Variants in LNX1 observed in about 807,000 individuals in gnomAD.
LNX1 encodes E3 ubiquitin-protein ligase LNX.
Under a neutral mutation model 68.4 loss-of-function variants are expected in LNX1, and 54 were observed. The ratio of observed to expected loss-of-function variants is 0.79; its 90% CI spans 0.63 to 0.99. The LOEUF (loss-of-function observed/expected upper bound fraction) is 0.99. LNX1 is among the 50% of genes least tolerant of loss of function. The pLI is 0.00. For missense variants in LNX1, 906 were observed against 926.4 expected (o/e 0.98, Z 0.29); for synonymous variants, 336 against 350.0 (o/e 0.96, Z 0.45).
chr4:53,479,429 G>T (rs1157335286), intron 7 of LNX1, among the ~76,000 whole-genome samples: 1 of 152,220 alleles, frequency 6.6e-6, no homozygotes, highest in African/African-American at 2.4e-5. Context: ...GCACTGAGGG[G>T]CTGGATGCAA....
At chr4:53,549,462 G>A (rs534893720) in intron 2 of LNX1, 3 of 95,240 alleles carry the variant, frequency 3.1e-5, no homozygotes, top group Non-Finnish European at 8.1e-5. Flanking sequence ...AGGAGGAGGA[G>A]GTTGAAAGAA....
intron 2 of LNX1, chr4:53,603,694 T>C (rs1733112413): frequency 6.6e-6 from 1 of 152,200 alleles, no homozygotes; most frequent in African/African-American, 2.4e-5. Flanking sequence ...TTGCAAGAAC[T>C]CACTATTGCG....
In LNX1 at chr4:53,625,186, G is replaced by A. The variant is rs1479472861; in HGVS notation, c.-215+26982C>T. Among the ~76,000 whole-genome samples the A allele has an allele frequency of 2.0e-5, 3 of 152,076 alleles. No homozygotes were observed. In the East Asian group the frequency reaches 5.8e-4, roughly 29 times the overall value. ...GATTAGGCAACGGTTTCTCAGCTAT[G>A]ACACGAAAAGCACAAACAGAAGAAA... On this transcript the variant is annotated intron_variant, in intron 1 of 2. Coordinates refer to the LNX1 transcript ENST00000507168.
intron 2 of LNX1, among the ~76,000 whole-genome samples, chr4:53,602,660 A>G (rs1209102321): frequency 2.0e-5 from 3 of 152,212 alleles, no homozygotes; most frequent in African/African-American, 7.2e-5. Context: ...GGAGATGGGG[A>G]GTGGAGTCCA....
At chr4:53,577,352 T>C (rs1731558804) in intron 1 of LNX1, among the ~76,000 whole-genome samples, 1 of 152,204 alleles carries the variant, frequency 6.6e-6, no homozygotes, top group Admixed American at 6.5e-5. Context: ...TTCTTTCTCA[T>C]GATGCTGTAG....
chr4:53,506,123 G>T (rs1336831321), intron 4 of LNX1, among the ~76,000 whole-genome samples: 1 of 152,204 alleles, frequency 6.6e-6, no homozygotes. Context: ...TATAACCCAG[G>T]AGCTAAGAGA....
intron 1 of LNX1, among the ~76,000 whole-genome samples, chr4:53,630,736 TG>T (rs1734236929): frequency 6.6e-6 from 1 of 152,208 alleles, no homozygotes; most frequent in Non-Finnish European, 1.5e-5. Context: ...AAACAGCTTA[TG>T]TATTGATTGG....
chr4:53,538,501 T>C (rs1728532891), intron 2 of LNX1, among the ~76,000 whole-genome samples: 1 of 152,174 alleles, frequency 6.6e-6, no homozygotes, highest in Admixed American at 6.5e-5. Flanking sequence ...TGAGGGTTCA[T>C]CGTTGAAAAA....
intron 6 of LNX1, among the ~76,000 whole-genome samples, chr4:53,484,598 C>A (rs1724164654): frequency 6.6e-6 from 1 of 152,000 alleles, no homozygotes; most frequent in African/African-American, 2.4e-5. Context: ...TAAAAACCAT[C>A]CACCAATGAA....
At chr4:53,583,828 C>T (rs1261131759) in intron 1 of LNX1, among the ~76,000 whole-genome samples, 1 of 152,064 alleles carries the variant, frequency 6.6e-6, no homozygotes, top group Admixed American at 6.6e-5. Context: ...CCACCTTTCC[C>T]CTGGGGTGCC....
rs112550826 is a variant in LNX1, at chr4:53,562,770, A to G, written c.380+10853T>C. Among the ~76,000 whole-genome samples, 995 of 152,362 alleles carry G rather than the reference A, an allele frequency of 6.5e-3. 9 individuals carry two copies. The highest frequency in any genetic ancestry group is 0.023 in the African/African-American group (940 of 41,582). ...CAGTAGAAAATTACTAAGTGAGTAC[A>G]TTTTAAGTGTTTTCATCACAAAAAT... On this transcript the variant is annotated intron_variant, in intron 2 of 10. Transcript: ENST00000263925.
At chr4:53,565,458 T>G (rs1190422477) in intron 2 of LNX1, among the ~76,000 whole-genome samples, 1 of 150,000 alleles carries the variant, frequency 6.7e-6, no homozygotes, top group African/African-American at 2.4e-5. Context: ...GAAGGAAAAC[T>G]AACAAACAGA....
intron 2 of LNX1, among the ~76,000 whole-genome samples, chr4:53,615,473 C>T (rs1195535632): frequency 3.3e-5 from 5 of 152,120 alleles, no homozygotes; most frequent in Admixed American, 2.6e-4. Flanking sequence ...CTAGCTCCCT[C>T]GTGTATGAGA....
intron 1 of LNX1, among the ~76,000 whole-genome samples, chr4:53,582,312 C>T (rs55945634): frequency 0.012 from 1,763 of 152,204 alleles, 20 homozygotes; most frequent in Non-Finnish European, 0.018. Context: ...CACAGGTGAA[C>T]AGTTTGCTGA....
chr4:53,607,128 AAAGT>A (rs1733265032), intron 2 of LNX1, among the ~76,000 whole-genome samples: 1 of 152,220 alleles, frequency 6.6e-6, no homozygotes, highest in South Asian at 2.1e-4. Flanking sequence ...CAAGAGAAAG[AAAGT>A]AAGGAAAGGC....
At chr4:53,467,176 C>T (rs1045754343) in intron 9 of LNX1, among the ~76,000 whole-genome samples, 4 of 152,100 alleles carry the variant, frequency 2.6e-5, no homozygotes, top group Admixed American at 2.0e-4. Flanking sequence ...GCAGCATTTG[C>T]GTTTCACCAA....
At chr4:53,587,674 A>G (rs1306414103) in intron 1 of LNX1, among the ~76,000 whole-genome samples, 1 of 152,184 alleles carries the variant, frequency 6.6e-6, no homozygotes, top group African/African-American at 2.4e-5. Context: ...AAAAAAAAGT[A>G]GTCAAGATCC....
intron 2 of LNX1, among the ~76,000 whole-genome samples, chr4:53,571,329 A>G (rs1731152810): frequency 6.7e-6 from 1 of 150,238 alleles, no homozygotes; most frequent in African/African-American, 2.4e-5. Flanking sequence ...TAAATTAAGA[A>G]TCTTGAGATG....
intron 6 of LNX1, among the ~76,000 whole-genome samples, chr4:53,488,547 G>A (rs1724475779): frequency 6.6e-6 from 1 of 152,210 alleles, no homozygotes; most frequent in South Asian, 2.1e-4. Context: ...GAGTGCAGTA[G>A]TTTTGTTGAT....
Sources: allele counts gnomAD v4.1 joint callset (sites outside exome capture counted in the v4.1 genomes callset), GRCh38; gene constraint gnomAD v4.1.1; transcripts MANE v1.5; gene names NCBI Gene and HGNC (gene_info 2026-07-23, HGNC 2026-07-21).